The following SCGB2A1 variants were observed in gnomAD, a reference collection of about 807,000 sequenced individuals.
SCGB2A1 encodes mammaglobin-B.
Under a neutral mutation model 9.2 loss-of-function variants are expected in SCGB2A1, and 6 were observed. The observed-to-expected ratio is 0.66, with a 90% CI of 0.36 to 1.29. The LOEUF (loss-of-function observed/expected upper bound fraction) is 1.29, where lower values mean the gene tolerates loss of function less well. Ranked by LOEUF, SCGB2A1 falls within the 50% of genes most tolerant of loss-of-function variation. The pLI is 0.03. For missense variants in SCGB2A1, 138 were observed against 116.9 expected (o/e 1.18, Z -0.83); for synonymous variants, 37 against 41.0 (o/e 0.90, Z 0.37).
Position 62,210,454 on chromosome 11 carries a change from A to G in SCGB2A1, c.97A>G (p.Ile33Val). 1 of 1,574,508 alleles carries G rather than the reference A, an allele frequency of 6.4e-7. No individual in the cohort carries two copies. Among genetic ancestry groups the G allele is most frequent in the Admixed American group, 1.9e-5 (1 of 51,914 alleles). The change falls in exon 2 of 3, where the codon ATC becomes GTC. Residue 33 changes from isoleucine (I) to valine (V), a missense_variant. Physicochemically the swap from Ile to Val is conservative, Grantham distance 29. Transcript: ENST00000244930. ...KLLEDMVEKT[I>V]NSDISIPEYK... The stretch of plus-strand genomic sequence containing the variant: ...CCTGGAGGACATGGTTGAAAAGACC[A>G]TCAATTCCGACATATCTATACCTGA...
At chr11:62,213,504 T>C in intron 2 of SCGB2A1, 1 of 492,092 alleles carries the variant, frequency 2.0e-6, no homozygotes, top group Non-Finnish European at 3.6e-6. Flanking sequence ...CATGGATCAC[T>C]GGTAGGGAAG....
chr11:62,210,923 A>AT (rs5792248), intron 2 of SCGB2A1, among the ~76,000 whole-genome samples: 1,512 of 137,302 alleles, frequency 0.011, 7 homozygotes, highest in African/African-American at 0.018. Flanking sequence ...AGGCATCGGC[A>AT]TTTTTTTTTT....
rs1944819457 is a variant in SCGB2A1 at position 62,210,399 on chromosome 11, T to TG, written c.56-14_56-13insG. ...ATGTTCTTGTGTCTTTTTTTTTTTT[T>TG]TTTTTTTTTCCAGATTCTGGCTGCA... On this transcript the variant is annotated splice_polypyrimidine_tract_variant and intron_variant, in intron 1 of 2. Coordinates refer to ENST00000244930, the MANE Select transcript of SCGB2A1 (RefSeq NM_002407.3). The TG allele has an allele frequency of 6.5e-7, 1 of 1,536,610 alleles. No homozygotes were observed. Among genetic ancestry groups the TG allele is most frequent in the African/African-American group, 1.4e-5 (1 of 70,270 alleles).
intron 1 of SCGB2A1, among the ~76,000 whole-genome samples, 162 bp from the exon 2 acceptor site, chr11:62,210,251 C>T (rs1565120509): frequency 6.6e-6 from 1 of 152,170 alleles, no homozygotes; most frequent in Non-Finnish European, 1.5e-5. Context: ...TTTACACTCC[C>T]AGAATTGAGA....
intron 2 of SCGB2A1, among the ~76,000 whole-genome samples, chr11:62,212,858 C>T (rs553267837): frequency 1.3e-5 from 2 of 151,230 alleles, no homozygotes; most frequent in Non-Finnish European, 2.9e-5. Flanking sequence ...GCTTCAGCCT[C>T]CTGAGTAGCT....
At chr11:62,213,106 A>ATATATATTTTTTTTTT (rs67975205) in intron 2 of SCGB2A1, among the ~76,000 whole-genome samples, 1 of 116,252 alleles carries the variant, frequency 8.6e-6, no homozygotes, top group African/African-American at 3.4e-5. Context: ...ATATATATAT[A>ATATATATTTTTTTTTT]TTTTTTTTTT....
chr11:62,213,017 T>TATATACAC (rs1389571976), intron 2 of SCGB2A1, among the ~76,000 whole-genome samples: 2 of 138,354 alleles, frequency 1.4e-5, no homozygotes, highest in Admixed American at 1.5e-4. Flanking sequence ...TATATGCACA[T>TATATACAC]ATATACATAT....
chr11:62,213,106 A>ATATATATATATATAT (rs67975205), intron 2 of SCGB2A1, among the ~76,000 whole-genome samples: 3 of 116,252 alleles, frequency 2.6e-5, no homozygotes, highest in Admixed American at 1.9e-4. Flanking sequence ...ATATATATAT[A>ATATATATATATATAT]TTTTTTTTTT....
At chr11:62,212,069 C>T (rs1438797160) in intron 2 of SCGB2A1, among the ~76,000 whole-genome samples, 3 of 151,550 alleles carry the variant, frequency 2.0e-5, no homozygotes, top group Non-Finnish European at 4.4e-5. Flanking sequence ...ATTACTGGCA[C>T]ACAACACCAC....
chr11:62,209,580 C>G (rs554948018), intron 1 of SCGB2A1, among the ~76,000 whole-genome samples: 1 of 151,962 alleles, frequency 6.6e-6, no homozygotes, highest in South Asian at 2.1e-4. Flanking sequence ...GTTCCTCTCC[C>G]TTACAGTGGG....
chr11:62,212,694 T>A (rs1230034392), intron 2 of SCGB2A1, among the ~76,000 whole-genome samples: 1 of 151,880 alleles, frequency 6.6e-6, no homozygotes, highest in East Asian at 1.9e-4. Context: ...AGATTAATCA[T>A]TCATATTGTA....
chr11:62,212,979 T>TAC lies in SCGB2A1; in HGVS notation c.244-747_244-746insAC, dbSNP rs1565121326. ...ATGTACACATATGTACACATATATG[T>TAC]GCACATATACATGCATATATGTACA... On this transcript the variant is annotated intron_variant, in intron 2 of 2. Coordinates refer to ENST00000244930, the MANE Select transcript of SCGB2A1 (RefSeq NM_002407.3). 1.5e-3 allele frequency among the ~76,000 whole-genome samples: 222 copies of TAC among 146,782 alleles called. 2 individuals are homozygous for TAC. The highest frequency in any genetic ancestry group is 5.2e-3 in the African/African-American group (212 of 40,400).
intron 1 of SCGB2A1, 29 bp from the exon 2 acceptor site, chr11:62,210,384 G>GT: frequency 1.5e-6 from 2 of 1,318,038 alleles, no homozygotes; most frequent in Non-Finnish European, 2.0e-6. Context: ...ATGTTCTTGT[G>GT]TCTTTTTTTT....
chr11:62,208,938 C>G, intron 1 of SCGB2A1, 152 bp downstream of exon 1: 1 of 678,138 alleles, frequency 1.5e-6, no homozygotes, highest in Non-Finnish European at 2.5e-6. Flanking sequence ...GAGTTCCTGA[C>G]AATCAAGCAT....
intron 2 of SCGB2A1, among the ~76,000 whole-genome samples, chr11:62,211,766 A>G (rs963130051): frequency 6.6e-6 from 1 of 152,232 alleles, no homozygotes; most frequent in Non-Finnish European, 1.5e-5. Context: ...ACTGGAAGTC[A>G]TGCACCACTT....
intron 2 of SCGB2A1, among the ~76,000 whole-genome samples, chr11:62,212,362 G>A (rs1375529798): frequency 6.6e-6 from 1 of 151,756 alleles, no homozygotes; most frequent in African/African-American, 2.4e-5. Flanking sequence ...TTAGCCAGGT[G>A]CATCCCTCAT....
At position 62,212,971 on chromosome 11, in the gene SCGB2A1, CAT is replaced by C. The variant is rs1235525131; in HGVS notation, c.244-750_244-749del. On this transcript the variant is annotated intron_variant, in intron 2 of 2. Coordinates refer to ENST00000244930, the MANE Select transcript of SCGB2A1 (RefSeq NM_002407.3). ...ACACACATATGTACACATATGTACA[CAT>C]ATATGTGCACATATACATGCATATA... is the stretch of plus-strand genomic sequence containing the variant. Among the ~76,000 whole-genome samples, 152 of 150,550 alleles carry C rather than the reference CAT, an allele frequency of 1.0e-3. 2 individuals carry two copies. Among genetic ancestry groups the C allele is most frequent in the African/African-American group, 3.5e-3 (142 of 41,072 alleles).
At chr11:62,210,736 A>C (rs570735050) in intron 2 of SCGB2A1, 136 bp downstream of exon 2, 336 of 639,118 alleles carry the variant, frequency 5.3e-4, no homozygotes, top group Non-Finnish European at 6.5e-4. Context: ...CTTTGTCTCC[A>C]GGCTGCTTTG....
rs67975205 is a variant in SCGB2A1, at chr11:62,213,106, A to ATATTTTTTTT, written c.244-619_244-618insATTTTTTTTT. On this transcript the variant is annotated intron_variant, in intron 2 of 2. Coordinates refer to ENST00000244930, the MANE Select transcript of SCGB2A1 (RefSeq NM_002407.3). ...CATATATACACATATATATATATAT[A>ATATTTTTTTT]TTTTTTTTTTTGTAGAGATGGCATT... Among the ~76,000 whole-genome samples the ATATTTTTTTT allele has an allele frequency of 6.5e-4, 76 of 116,228 alleles. 5 individuals are homozygous for ATATTTTTTTT. In the South Asian group the frequency reaches 9.0e-3, roughly 14 times the overall value. The allele number at this position is 116,228 out of a possible 152,430, so 76.3% of individuals were successfully genotyped here.
Sources: allele counts gnomAD v4.1 joint callset (sites outside exome capture counted in the v4.1 genomes callset), GRCh38; gene constraint gnomAD v4.1.1; transcripts MANE v1.5; gene names NCBI Gene and HGNC (gene_info 2026-07-23, HGNC 2026-07-21).